The following CALN1 variants were observed in gnomAD, a reference collection of about 807,000 sequenced individuals.
CALN1 encodes the protein calneuron 1, also known as calcium-binding protein 8.
A neutral mutation model predicts 30.6 loss-of-function variants in CALN1; 17 were observed. The observed-to-expected ratio is 0.56, with a 90% CI of 0.38 to 0.83. CALN1 has a LOEUF of 0.83. Among genes scored for constraint, CALN1 ranks in the 40% least tolerant of loss-of-function variants. The probability of loss-of-function intolerance (pLI) is 0.00; values close to 1 mark genes in which losing one functional copy is unlikely to be tolerated. For missense variants in CALN1, 291 were observed against 354.9 expected, an observed-to-expected ratio of 0.82 and a Z score of 1.45; for synonymous variants, 156 against 131.4, an observed-to-expected ratio of 1.19 and a Z score of -1.28.
At chr7:72,225,673 C>T (rs1323442173) in intron 3 of CALN1, among the ~76,000 whole-genome samples, 2 of 152,138 alleles carry the variant, frequency 1.3e-5, no homozygotes, top group African/African-American at 4.8e-5. Flanking sequence ...AATGTCACGC[C>T]ATCTTGTGTG....
chr7:72,053,947 G>A (rs543378133), intron 4 of CALN1, among the ~76,000 whole-genome samples: 44 of 152,088 alleles, frequency 2.9e-4, no homozygotes, highest in African/African-American at 1.0e-3. Flanking sequence ...TCTCATCCAG[G>A]TCATTGCAAA....
intron 5 of CALN1, among the ~76,000 whole-genome samples, chr7:71,983,536 T>C (rs1041754504): frequency 9.9e-5 from 15 of 151,968 alleles, no homozygotes; most frequent in Admixed American, 6.6e-5. Context: ...GGATGCTTTT[T>C]TTTTCTTTTT....
At chr7:72,485,470 T>C in the CALN1 span, among the ~76,000 whole-genome samples, 1 of 152,252 alleles carries the variant, frequency 6.6e-6, no homozygotes, top group Non-Finnish European at 1.5e-5. Context: ...AATCCATGCA[T>C]AAATTTCATT....
rs1158657579 is a variant in CALN1 at position 71,803,834 on chromosome 7, C to T, written c.658+6502G>A. 2.0e-5 allele frequency among the ~76,000 whole-genome samples: 3 copies of T among 152,086 alleles called. No individual in the cohort carries two copies. The East Asian group carries it at 5.8e-4, about 30-fold the overall frequency. On this transcript the variant is annotated intron_variant, in intron 6 of 6. Coordinates refer to ENST00000395275, the MANE Select transcript of CALN1 (RefSeq NM_031468.4). ...AGTTTCATCCCATTTATTCTTGTCC[C>T]TTCCTTGGGAGAAAATGTAAAGGGT...
chr7:72,332,183 G>A (rs1349822316), intron 2 of CALN1, among the ~76,000 whole-genome samples: 1 of 152,180 alleles, frequency 6.6e-6, no homozygotes, highest in Admixed American at 6.5e-5. Flanking sequence ...GTGTACAGCA[G>A]CAGCAGAGAT....
chr7:72,111,215 T>C (rs1807552856), intron 3 of CALN1, among the ~76,000 whole-genome samples: 1 of 152,172 alleles, frequency 6.6e-6, no homozygotes, highest in Non-Finnish European at 1.5e-5. Context: ...CTCTCTGCAA[T>C]GGTGATAGGA....
At chr7:72,387,612 C>T (rs1362379105) in intron 2 of CALN1, among the ~76,000 whole-genome samples, 1 of 152,122 alleles carries the variant, frequency 6.6e-6, no homozygotes, top group African/African-American at 2.4e-5. Context: ...CACCCATCAC[C>T]CCAGTCTAAT....
At chr7:72,070,699 A>G (rs191850463) in intron 4 of CALN1, among the ~76,000 whole-genome samples, 1 of 152,350 alleles carries the variant, frequency 6.6e-6, no homozygotes, top group East Asian at 1.9e-4. Flanking sequence ...TCCAAATCTG[A>G]CATATGATTC....
intron 2 of CALN1, among the ~76,000 whole-genome samples, chr7:72,352,924 G>A (rs191035406): frequency 5.9e-5 from 9 of 151,866 alleles, no homozygotes; most frequent in Admixed American, 2.0e-4. Flanking sequence ...AGATCCTAAC[G>A]ATATAAAAAA....
intron 3 of CALN1, among the ~76,000 whole-genome samples, chr7:72,248,390 C>T (rs975834485): frequency 1.2e-4 from 19 of 152,290 alleles, no homozygotes; most frequent in East Asian, 1.2e-3. Flanking sequence ...TGAACCACCA[C>T]GCCCGGCCTC....
intron 3 of CALN1, among the ~76,000 whole-genome samples, chr7:72,137,428 G>T (rs1367998202): frequency 6.6e-6 from 1 of 152,192 alleles, no homozygotes; most frequent in African/African-American, 2.4e-5. Context: ...TGAAATATTT[G>T]TTGGAATCAC....
At chr7:72,068,446 C>T (rs533907192) in intron 4 of CALN1, among the ~76,000 whole-genome samples, 37 of 152,220 alleles carry the variant, frequency 2.4e-4, no homozygotes, top group Non-Finnish European at 4.7e-4. Flanking sequence ...GTAATCATGG[C>T]TTATTGACCT....
At chr7:71,873,186 T>G (rs1792045597) in intron 5 of CALN1, among the ~76,000 whole-genome samples, 1 of 151,794 alleles carries the variant, frequency 6.6e-6, no homozygotes, top group Non-Finnish European at 1.5e-5. Flanking sequence ...TTATTTTTAG[T>G]AGAGACAGGG....
At chr7:72,176,862 C>T (rs1318397199) in intron 3 of CALN1, among the ~76,000 whole-genome samples, 1 of 152,122 alleles carries the variant, frequency 6.6e-6, no homozygotes, top group Non-Finnish European at 1.5e-5. Context: ...AGATCCCCTT[C>T]TTTCTGTTGG....
intron 5 of CALN1, among the ~76,000 whole-genome samples, chr7:71,898,023 G>A (rs1419127809): frequency 7.5e-6 from 1 of 134,214 alleles, no homozygotes; most frequent in African/African-American, 2.9e-5. Flanking sequence ...GGGGGGGAGA[G>A]AGAGAGAGAG....
chr7:72,488,064 GCTCA>G, the CALN1 span, among the ~76,000 whole-genome samples: 1 of 151,722 alleles, frequency 6.6e-6, no homozygotes, highest in Non-Finnish European at 1.5e-5. Flanking sequence ...GGGCATGGTG[GCTCA>G]CACCTATGAT....
intron 2 of CALN1, among the ~76,000 whole-genome samples, chr7:72,377,421 T>C (rs1157701165): frequency 6.7e-6 from 1 of 149,026 alleles, no homozygotes; most frequent in Non-Finnish European, 1.5e-5. Context: ...CTTTGGGTAA[T>C]ATGGGCCACA....
At chr7:72,242,871 G>C (rs1447842000) in intron 3 of CALN1, among the ~76,000 whole-genome samples, 2 of 152,080 alleles carry the variant, frequency 1.3e-5, no homozygotes, top group Admixed American at 6.6e-5. Flanking sequence ...CTGGGTGACA[G>C]AGCAAGAATC....
intron 3 of CALN1, among the ~76,000 whole-genome samples, chr7:72,208,399 G>A (rs550185802): frequency 1.3e-5 from 2 of 152,282 alleles, no homozygotes; most frequent in East Asian, 1.9e-4. Context: ...GCTCTAAATA[G>A]AGCAGAATGT....
Sources: gnomAD v4.1 joint callset for allele counts (sites outside exome capture counted in the v4.1 genomes callset) on GRCh38, gnomAD v4.1.1 for gene constraint, MANE v1.5 for transcripts, NCBI Gene and HGNC (gene_info 2026-07-23, HGNC 2026-07-21) for gene names.